Variants in SH3BGRL observed in about 807,000 individuals in gnomAD.
SH3BGRL encodes the protein SH3 domain binding glutamate rich protein like, also known as adapter SH3BGRL.
SH3BGRL carries 7 observed loss-of-function variants against 9.8 expected under a neutral mutation model. That is an observed-to-expected ratio of 0.72 (90% confidence interval 0.41 to 1.35). The LOEUF (loss-of-function observed/expected upper bound fraction) is 1.35, where lower values mean the gene tolerates loss of function less well. SH3BGRL is among the 40% of genes most tolerant of loss of function. The probability of loss-of-function intolerance (pLI) is 0.01; values close to 1 mark genes in which losing one functional copy is unlikely to be tolerated. For missense variants in SH3BGRL, 73 were observed against 84.4 expected (o/e 0.86, Z 0.53); for synonymous variants, 36 against 29.1 (o/e 1.24, Z -0.76).
rs1039116861 is a variant in SH3BGRL at position 81,298,444 on chromosome X, T to C, written c.*1217T>C. 6 of 111,547 alleles carry C rather than the reference T, an allele frequency of 5.4e-5. No homozygotes were observed. The highest frequency in any genetic ancestry group is 9.5e-5 in the Admixed American group (1 of 10,490). 9.2% of individuals were successfully genotyped at this position (111,547 alleles called of 1,213,427 possible). Reference sequence around the variant, plus strand: ...TGTATATCTATTGTATGCTGGTCTTTACTTTTTGCCAAAATCAACATATAA... The same window carrying C: ...TGTATATCTATTGTATGCTGGTCTTCACTTTTTGCCAAAATCAACATATAA... On this transcript the variant is annotated 3_prime_UTR_variant, in exon 4 of 4. Transcript: ENST00000373212.
At position 81,269,957 on chromosome X, in the gene SH3BGRL, T is replaced by C. The variant is rs138819664; in HGVS notation, c.46-7027T>C. On this transcript the variant is annotated intron_variant, in intron 1 of 3. Coordinates refer to ENST00000373212, the MANE Select transcript of SH3BGRL (RefSeq NM_003022.3). ...CTCTAATCTTGTCTTCTTACTTTAT[T>C]TCATTAATTTGATCTTCAGTCAGTG... is the stretch of plus-strand genomic sequence containing the variant. 4.0e-3 allele frequency among the ~76,000 whole-genome samples: 447 copies of C among 110,843 alleles called. 1 individual carries two copies. Among genetic ancestry groups the C allele is most frequent in the Non-Finnish European group, 7.3e-3 (386 of 52,994 alleles).
In SH3BGRL at chrX:81,223,618, T is replaced by G. The variant is rs750702539; in HGVS notation, c.45+21373T>G. Among the ~76,000 whole-genome samples, 18 of 111,223 alleles carry G rather than the reference T, an allele frequency of 1.6e-4. No individual in the cohort carries two copies. In the East Asian group the frequency reaches 4.8e-3, roughly 30 times the overall value. ...TGCTTCTGCCTGTGGATCAGTACAG[T>G]GTAAGATCATGTGATAAGGGGAATA... On this transcript the variant is annotated intron_variant, in intron 1 of 3. Transcript: ENST00000373212.
At chrX:81,287,963 AAG>A (rs1384040911) in intron 3 of SH3BGRL, among the ~76,000 whole-genome samples, 1 of 109,679 alleles carries the variant, frequency 9.1e-6, no homozygotes. Context: ...GAAGGAAAGA[AAG>A]AAAGAAAGAA....
At chrX:81,202,448 G>C in intron 1 of SH3BGRL, 1 of 987,595 alleles carries the variant, frequency 1.0e-6, no homozygotes, top group Non-Finnish European at 1.3e-6. Context: ...GTTCAGCTTT[G>C]TTTGCTTCGT....
intron 1 of SH3BGRL, among the ~76,000 whole-genome samples, chrX:81,261,967 TG>T (rs1182157021): frequency 2.7e-5 from 3 of 111,711 alleles, no homozygotes; most frequent in Non-Finnish European, 3.8e-5. Flanking sequence ...GTACATGAGA[TG>T]TTTAATCCAG....
At chrX:81,266,589 T>A (rs1302736914) in intron 1 of SH3BGRL, among the ~76,000 whole-genome samples, 1 of 111,822 alleles carries the variant, frequency 8.9e-6, no homozygotes, top group African/African-American at 3.3e-5. Flanking sequence ...ACCAGTACCA[T>A]TCTGTTTTGG....
chrX:81,234,813 C>T (rs2075642779), intron 1 of SH3BGRL, among the ~76,000 whole-genome samples: 1 of 111,658 alleles, frequency 9.0e-6, no homozygotes, highest in African/African-American at 3.3e-5. Context: ...AGTTATGTCC[C>T]TTTCCTTTGC....
At chrX:81,224,116 G>C (rs1388950371) in intron 1 of SH3BGRL, among the ~76,000 whole-genome samples, 2 of 111,933 alleles carry the variant, frequency 1.8e-5, no homozygotes, top group Non-Finnish European at 3.8e-5. Flanking sequence ...GCTTTAAAAG[G>C]TTCAATTTCC....
intron 1 of SH3BGRL, among the ~76,000 whole-genome samples, chrX:81,222,523 T>C (rs1049974248): frequency 1.8e-5 from 2 of 110,764 alleles, no homozygotes; most frequent in African/African-American, 3.3e-5. Context: ...TATGACTGCA[T>C]AGTATTCCAT....
chrX:81,213,562 T>TA (rs2075572087), intron 1 of SH3BGRL, among the ~76,000 whole-genome samples: 2 of 111,527 alleles, frequency 1.8e-5, no homozygotes, highest in Non-Finnish European at 3.8e-5. Context: ...CTGTTCCTAA[T>TA]GAACAGATTT....
intron 3 of SH3BGRL, among the ~76,000 whole-genome samples, chrX:81,281,223 G>T (rs1312117768): frequency 9.0e-6 from 1 of 111,029 alleles, no homozygotes; most frequent in African/African-American, 3.3e-5. Context: ...AGGAAGAAGA[G>T]AATTCTAAAA....
intron 1 of SH3BGRL, among the ~76,000 whole-genome samples, chrX:81,248,321 G>T (rs1569363346): frequency 8.9e-6 from 1 of 112,004 alleles, no homozygotes; most frequent in Non-Finnish European, 1.9e-5. Context: ...ATACAGCTAG[G>T]TATATACTCG....
chrX:81,239,060 A>G (rs1345741855), intron 1 of SH3BGRL, among the ~76,000 whole-genome samples: 2 of 112,197 alleles, frequency 1.8e-5, no homozygotes, highest in Non-Finnish European at 3.8e-5. Context: ...AAAGAGAGGT[A>G]CAAACAAGCC....
chrX:81,268,088 A>G (rs1460939800), intron 1 of SH3BGRL, among the ~76,000 whole-genome samples: 3 of 110,790 alleles, frequency 2.7e-5, no homozygotes, highest in South Asian at 7.5e-4. Context: ...TATTGCATCT[A>G]TTTGATTCTT....
chrX:81,259,018 C>T (rs756623996), intron 1 of SH3BGRL, among the ~76,000 whole-genome samples: 8 of 112,496 alleles, frequency 7.1e-5, no homozygotes, highest in Non-Finnish European at 1.3e-4. Context: ...TTAACACTAA[C>T]AAGAACAGAT....
At chrX:81,260,413 G>A (rs2075737640) in intron 1 of SH3BGRL, among the ~76,000 whole-genome samples, 1 of 111,577 alleles carries the variant, frequency 9.0e-6, no homozygotes, top group Non-Finnish European at 1.9e-5. Context: ...AATAAAATAA[G>A]CATGTAAAGA....
At chrX:81,279,543 T>C (rs1480502688) in intron 3 of SH3BGRL, among the ~76,000 whole-genome samples, 1 of 111,242 alleles carries the variant, frequency 9.0e-6, no homozygotes, top group Non-Finnish European at 1.9e-5. Flanking sequence ...AGGGAGACCC[T>C]CCTCTCCCGA....
intron 1 of SH3BGRL, among the ~76,000 whole-genome samples, chrX:81,249,098 G>A (rs1013482042): frequency 1.8e-5 from 2 of 111,075 alleles, no homozygotes; most frequent in Non-Finnish European, 1.9e-5. Flanking sequence ...GCTCAAATAC[G>A]CTGTCTTGGG....
At chrX:81,258,793 A>G (rs756809672) in intron 1 of SH3BGRL, among the ~76,000 whole-genome samples, 3 of 112,220 alleles carry the variant, frequency 2.7e-5, no homozygotes, top group South Asian at 3.8e-4. Flanking sequence ...TTCCTACAAT[A>G]GATCAGAGGC....
Sources: gnomAD v4.1 joint callset for allele counts (sites outside exome capture counted in the v4.1 genomes callset) on GRCh38, gnomAD v4.1.1 for gene constraint, MANE v1.5 for transcripts, NCBI Gene and HGNC (gene_info 2026-07-23, HGNC 2026-07-21) for gene names.